CADPS2: variants seen among roughly 807,000 people sequenced by gnomAD.
CADPS2 encodes the protein calcium-dependent secretion activator 2.
A neutral mutation model predicts 172.5 loss-of-function variants in CADPS2; 93 were observed. The observed-to-expected ratio is 0.54, with a 90% confidence interval of 0.46 to 0.64. CADPS2 has a LOEUF of 0.64. CADPS2 is among the 30% of genes least tolerant of loss of function. CADPS2 has a pLI of 0.00. For missense variants in CADPS2, 1,420 were observed against 1,565.9 expected, an observed-to-expected ratio of 0.91 and a Z score of 1.57; for synonymous variants, 546 against 555.2, an observed-to-expected ratio of 0.98 and a Z score of 0.23.
At chr7:122,640,637 A>G (rs1220513504) in intron 3 of CADPS2, among the ~76,000 whole-genome samples, 2 of 151,996 alleles carry the variant, frequency 1.3e-5, no homozygotes, top group African/African-American at 4.8e-5. Flanking sequence ...TAAAAATAAA[A>G]AAAAATATTG....
chr7:122,561,785 A>G (rs2065813489), intron 7 of CADPS2, among the ~76,000 whole-genome samples: 1 of 152,136 alleles, frequency 6.6e-6, no homozygotes, highest in South Asian at 2.1e-4. Context: ...AAGCTAATTA[A>G]CATATCCATT....
chr7:122,776,206 T>C (rs1001572145), intron 1 of CADPS2, among the ~76,000 whole-genome samples: 18 of 152,118 alleles, frequency 1.2e-4, no homozygotes, highest in African/African-American at 4.1e-4. Flanking sequence ...GTTTTTCCCA[T>C]GCTGTTCTCA....
At chr7:122,846,685 G>T (rs1261211131) in intron 1 of CADPS2, among the ~76,000 whole-genome samples, 1 of 152,196 alleles carries the variant, frequency 6.6e-6, no homozygotes, top group Non-Finnish European at 1.5e-5. Flanking sequence ...GAGCAAGGAA[G>T]AGTGAATAGG....
intron 6 of CADPS2, among the ~76,000 whole-genome samples, chr7:122,598,040 G>T (rs986482487): frequency 6.6e-6 from 1 of 151,922 alleles, no homozygotes; most frequent in Non-Finnish European, 1.5e-5. Context: ...GCCTAGTTAG[G>T]TATTTAGTTA....
chr7:122,643,353 G>A (rs1297329036), intron 3 of CADPS2, among the ~76,000 whole-genome samples: 2 of 152,172 alleles, frequency 1.3e-5, no homozygotes, highest in African/African-American at 4.8e-5. Context: ...CTACCCAACT[G>A]ACTGTGATCA....
At chr7:122,752,699 G>A (rs2092998798) in intron 1 of CADPS2, among the ~76,000 whole-genome samples, 1 of 151,838 alleles carries the variant, frequency 6.6e-6, no homozygotes, top group Admixed American at 6.6e-5. Flanking sequence ...TTTCAGTTAT[G>A]GTATTGTCTT....
intron 8 of CADPS2, among the ~76,000 whole-genome samples, chr7:122,537,452 A>C (rs773552764): frequency 2.6e-5 from 4 of 151,898 alleles, no homozygotes; most frequent in Non-Finnish European, 5.9e-5. Context: ...ACTAGGTGAA[A>C]ATTTTACACA....
At chr7:122,394,307 T>C (rs1792295737) in intron 20 of CADPS2, among the ~76,000 whole-genome samples, 2 of 152,136 alleles carry the variant, frequency 1.3e-5, no homozygotes, top group South Asian at 2.1e-4. Flanking sequence ...GCGATGAATG[T>C]TTTCTATGCA....
chr7:122,501,425 A>T (rs773577658), intron 9 of CADPS2, among the ~76,000 whole-genome samples: 2 of 152,178 alleles, frequency 1.3e-5, no homozygotes, highest in Non-Finnish European at 2.9e-5. Flanking sequence ...CTGAAAAGAA[A>T]ATGAAATATT....
chr7:122,803,798 T>A (rs1461278074), intron 1 of CADPS2, among the ~76,000 whole-genome samples: 1 of 152,122 alleles, frequency 6.6e-6, no homozygotes, highest in African/African-American at 2.4e-5. Flanking sequence ...AAAACATTTT[T>A]AAAATAACCA....
At chr7:122,683,900 TGTGA>T (rs2083342401) in intron 2 of CADPS2, among the ~76,000 whole-genome samples, 3 of 152,188 alleles carry the variant, frequency 2.0e-5, no homozygotes, top group East Asian at 3.9e-4. Context: ...ACTGTCCTGG[TGTGA>T]GTTAGTGTGG....
At chr7:122,656,950 C>T (rs1045401583) in intron 3 of CADPS2, among the ~76,000 whole-genome samples, 2 of 152,090 alleles carry the variant, frequency 1.3e-5, no homozygotes, top group African/African-American at 4.8e-5. Flanking sequence ...AGGTCTAACA[C>T]TTAAGTCTTT....
chr7:122,562,337 T>A (rs2065880563), intron 7 of CADPS2, among the ~76,000 whole-genome samples: 1 of 152,136 alleles, frequency 6.6e-6, no homozygotes, highest in Admixed American at 6.5e-5. Flanking sequence ...GAAGAGTCAG[T>A]GTTGATGTGA....
chr7:122,513,971 T>C (rs947186978), intron 8 of CADPS2, among the ~76,000 whole-genome samples: 4 of 152,332 alleles, frequency 2.6e-5, no homozygotes, highest in East Asian at 1.9e-4. Context: ...GTTTCAACCA[T>C]GGCTTTTCTT....
At chr7:122,456,819 A>C (rs946224687) in intron 14 of CADPS2, among the ~76,000 whole-genome samples, 1 of 152,206 alleles carries the variant, frequency 6.6e-6, no homozygotes, top group Non-Finnish European at 1.5e-5. Context: ...AGATTCATCC[A>C]AAAAATAGTT....
chr7:122,573,264 AGGCATAGT>A (rs1362363311), intron 7 of CADPS2, among the ~76,000 whole-genome samples: 1 of 152,136 alleles, frequency 6.6e-6, no homozygotes, highest in Admixed American at 6.6e-5. Flanking sequence ...TTCTCTGACC[AGGCATAGT>A]GGCTCATGCC....
At chr7:122,706,594 TCA>T (rs890558776) in intron 2 of CADPS2, among the ~76,000 whole-genome samples, 14 of 147,306 alleles carry the variant, frequency 9.5e-5, no homozygotes, top group Non-Finnish European at 1.9e-4. Flanking sequence ...TATATATATA[TCA>T]CACACACTTA....
intron 1 of CADPS2, among the ~76,000 whole-genome samples, chr7:122,782,649 T>C (rs1263437154): frequency 2.0e-5 from 3 of 152,202 alleles, no homozygotes; most frequent in African/African-American, 7.2e-5. Flanking sequence ...TGAGTTTTAA[T>C]TTCCTTCTTT....
intron 16 of CADPS2, among the ~76,000 whole-genome samples, chr7:122,439,704 G>C (rs1329506274): frequency 6.6e-6 from 1 of 152,080 alleles, no homozygotes; most frequent in Non-Finnish European, 1.5e-5. Context: ...CAAATATTTA[G>C]CACTTTAATT....
Sources: gnomAD v4.1 joint callset for allele counts (sites outside exome capture counted in the v4.1 genomes callset) on GRCh38, gnomAD v4.1.1 for gene constraint, MANE v1.5 for transcripts, NCBI Gene and HGNC (gene_info 2026-07-23, HGNC 2026-07-21) for gene names.